BMAL2: variants seen among roughly 807,000 people sequenced by gnomAD.
BMAL2 encodes the protein basic helix-loop-helix ARNT like 2.
At chr12:27,411,165 TC>T in the BMAL2 span, among the ~76,000 whole-genome samples, 1 of 152,088 alleles carries the variant, frequency 6.6e-6, no homozygotes, top group Admixed American at 6.6e-5. Context: ...TCTTGCTCTA[TC>T]CCCCAGCCTG....
chr12:27,352,464 G>A, the BMAL2 span, among the ~76,000 whole-genome samples: 4 of 152,182 alleles, frequency 2.6e-5, no homozygotes, highest in Admixed American at 2.6e-4. Flanking sequence ...ACATCATACT[G>A]AACAGGCAAA....
the BMAL2 span, among the ~76,000 whole-genome samples, chr12:27,361,613 G>T: frequency 3.3e-5 from 5 of 152,186 alleles, no homozygotes; most frequent in African/African-American, 1.2e-4. Context: ...TTCTGCAGAT[G>T]TATATGTGGA....
chr12:27,340,546 C>A, the BMAL2 span, among the ~76,000 whole-genome samples: 1 of 151,966 alleles, frequency 6.6e-6, no homozygotes, highest in African/African-American at 2.4e-5. Flanking sequence ...GGTGATACTT[C>A]CAGCTTTGTT....
chr12:27,402,879 G>A, the BMAL2 span, among the ~76,000 whole-genome samples: 1 of 152,160 alleles, frequency 6.6e-6, no homozygotes, highest in Non-Finnish European at 1.5e-5. Context: ...ACTCCCAGAG[G>A]TATCACCATG....
At chr12:27,397,169 C>T in the BMAL2 span, among the ~76,000 whole-genome samples, 2 of 152,164 alleles carry the variant, frequency 1.3e-5, no homozygotes, top group African/African-American at 2.4e-5. Context: ...CTCCTGGGTT[C>T]AAGCCGTTCT....
chr12:27,346,345 C>G, the BMAL2 span, among the ~76,000 whole-genome samples: 1 of 152,218 alleles, frequency 6.6e-6, no homozygotes, highest in Admixed American at 6.5e-5. Flanking sequence ...ACTGCACCCT[C>G]TGCCTCCCAG....
At chr12:27,362,565 A>AC in the BMAL2 span, among the ~76,000 whole-genome samples, 1 of 151,670 alleles carries the variant, frequency 6.6e-6, no homozygotes, top group African/African-American at 2.4e-5. Flanking sequence ...TCATGGTCAC[A>AC]CCCCCCTTTC....
the BMAL2 span, among the ~76,000 whole-genome samples, chr12:27,384,466 G>C: frequency 6.6e-6 from 1 of 151,962 alleles, no homozygotes; most frequent in Admixed American, 6.6e-5. Flanking sequence ...TCATGAATCC[G>C]TAACATTTGT....
the BMAL2 span, among the ~76,000 whole-genome samples, chr12:27,358,230 A>G: frequency 6.6e-6 from 1 of 152,242 alleles, no homozygotes; most frequent in African/African-American, 2.4e-5. Context: ...AAGTGGGCTA[A>G]GGACATTAAT....
the BMAL2 span, among the ~76,000 whole-genome samples, chr12:27,408,940 TACA>T: frequency 1.3e-5 from 2 of 152,218 alleles, no homozygotes; most frequent in Non-Finnish European, 2.9e-5. Flanking sequence ...AGCATTCTTA[TACA>T]ACAATAACAG....
At chr12:27,391,304 G>A in the BMAL2 span, among the ~76,000 whole-genome samples, 1 of 152,106 alleles carries the variant, frequency 6.6e-6, no homozygotes, top group Non-Finnish European at 1.5e-5. Context: ...TTGGTTTTCT[G>A]TTCTTGCATC....
At chr12:27,394,851 T>C in the BMAL2 span, among the ~76,000 whole-genome samples, 2 of 152,162 alleles carry the variant, frequency 1.3e-5, no homozygotes, top group Non-Finnish European at 2.9e-5. Context: ...CCAGAGAGCT[T>C]TTTGTCTCTG....
the BMAL2 span, chr12:27,401,691 G>T: frequency 6.5e-7 from 1 of 1,535,890 alleles, no homozygotes; most frequent in African/African-American, 1.4e-5. Flanking sequence ...AATTTTTTAT[G>T]TTAAGACCTT....
At chr12:27,419,763 C>T in the BMAL2 span, among the ~76,000 whole-genome samples, 3 of 152,150 alleles carry the variant, frequency 2.0e-5, no homozygotes, top group African/African-American at 7.2e-5. Context: ...TACTTTGACA[C>T]ATATATACAA....
At chr12:27,341,505 G>GCGCAGCTACTT in the BMAL2 span, among the ~76,000 whole-genome samples, 7 of 152,298 alleles carry the variant, frequency 4.6e-5, no homozygotes, top group African/African-American at 1.4e-4. Flanking sequence ...CGTGCTGCTG[G>GCGCAGCTACTT]ATTTGGTTAG....
At chr12:27,370,988 T>G in the BMAL2 span, among the ~76,000 whole-genome samples, 1 of 152,192 alleles carries the variant, frequency 6.6e-6, no homozygotes, top group Non-Finnish European at 1.5e-5. Context: ...TATGTGACAG[T>G]TAGTAGACTA....
the BMAL2 span, chr12:27,401,729 C>T: frequency 7.8e-7 from 1 of 1,285,278 alleles, no homozygotes; most frequent in South Asian, 1.6e-5. Flanking sequence ...AGTCTCTTTG[C>T]TTTTCTCCTC....
chr12:27,339,680 A>G, the BMAL2 span, among the ~76,000 whole-genome samples: 5 of 150,244 alleles, frequency 3.3e-5, no homozygotes, highest in East Asian at 7.9e-4. Context: ...GCTGGAGTGC[A>G]GTGGTGCGAT....
chr12:27,374,694 A>G, the BMAL2 span, among the ~76,000 whole-genome samples: 2 of 152,214 alleles, frequency 1.3e-5, no homozygotes, highest in East Asian at 3.8e-4. Flanking sequence ...CCAACCACAC[A>G]ACAGGCTGAC....
Sources: gnomAD v4.1 joint callset for allele counts (sites outside exome capture counted in the v4.1 genomes callset) on GRCh38, gnomAD v4.1.1 for gene constraint, MANE v1.5 for transcripts, NCBI Gene and HGNC (gene_info 2026-07-23, HGNC 2026-07-21) for gene names.